The following ATPAF2 variants were observed in gnomAD, a reference collection of about 807,000 sequenced individuals.
ATPAF2 encodes the protein ATP synthase mitochondrial F1 complex assembly factor 2.
A neutral mutation model predicts 36.6 loss-of-function variants in ATPAF2; 30 were observed. The ratio of observed to expected loss-of-function variants is 0.82; its 90% CI spans 0.61 to 1.11. The LOEUF is 1.11. ATPAF2 is among the 50% of genes most tolerant of loss of function. The pLI is 0.00. For missense variants in ATPAF2, 321 were observed against 372.3 expected, an observed-to-expected ratio of 0.86 and a Z score of 1.13; for synonymous variants, 140 against 152.6, an observed-to-expected ratio of 0.92 and a Z score of 0.61.
At chr17:18,015,783 T>C (rs1360726429), downstream of ATPAF2, 3 of 339,244 alleles carry the variant, frequency 8.8e-6, no homozygotes, top group Non-Finnish European at 1.7e-5. Context: ...TGGGCAGCCA[T>C]CTGCCTTCAC....
intron 1 of ATPAF2, 138 bp downstream of exon 1, chr17:18,038,743 C>G: frequency 7.9e-7 from 1 of 1,265,440 alleles, no homozygotes; most frequent in Non-Finnish European, 1.1e-6. Flanking sequence ...ACTTTCTCAT[C>G]TGTAAAAAGA....
At chr17:18,022,081 G>A (rs904914937) in intron 5 of ATPAF2, among the ~76,000 whole-genome samples, 2 of 152,174 alleles carry the variant, frequency 1.3e-5, no homozygotes, top group African/African-American at 4.8e-5. Context: ...GCTGAATGAA[G>A]GGATGGTTCC....
chr17:18,024,832 T>C lies in ATPAF2; in HGVS notation c.423-128A>G, dbSNP rs556631668. The stretch of plus-strand genomic sequence containing the variant: ...CCACCATCCCAGCCCCACAAGTCTT[T>C]TCCCCTAAAGCAGTGGTTCTCAAAG... On this transcript the variant is annotated intron_variant, in intron 4 of 7. Coordinates refer to ENST00000474627, the MANE Select transcript of ATPAF2 (RefSeq NM_145691.4). The C allele has an allele frequency of 7.6e-4, 600 of 790,168 alleles. 9 individuals are homozygous for C. The highest frequency in any genetic ancestry group is 3.3e-3 in the Middle Eastern group (10 of 3,066). The allele number at this position is 790,168 out of a possible 1,614,324, so 48.9% of individuals were successfully genotyped here. A position where few individuals can be genotyped will look rare whatever the true frequency, so the allele number is the denominator to read the frequency against.
intron 7 of ATPAF2, among the ~76,000 whole-genome samples, chr17:18,020,454 A>T (rs1352943527): frequency 6.6e-6 from 1 of 152,234 alleles, no homozygotes; most frequent in African/African-American, 2.4e-5. Flanking sequence ...CTCCTTGTGC[A>T]GAGTGAGGCC....
At position 18,029,879 on chromosome 17, in the gene ATPAF2, TAA is replaced by T. The variant is rs771131818; in HGVS notation, c.134-1222_134-1221del. Among the ~76,000 whole-genome samples, 397 of 53,204 alleles carry T rather than the reference TAA, an allele frequency of 7.5e-3. 3 individuals are homozygous for T. Among genetic ancestry groups the T allele is most frequent in the East Asian group, 0.044 (84 of 1,890 alleles). 34.9% of individuals were successfully genotyped at this position (53,204 alleles called of 152,430 possible). On this transcript the variant is annotated intron_variant, in intron 1 of 7. Transcript: ENST00000474627. The stretch of plus-strand genomic sequence containing the variant: ...CGGCCAAATAGTTTGCCTTTAACGC[TAA>T]AAAAAAAAAAAAAAAAAAAAAAAGG...
chr17:18,023,719 A>G (rs2044503751), intron 5 of ATPAF2, among the ~76,000 whole-genome samples: 1 of 152,254 alleles, frequency 6.6e-6, no homozygotes, highest in African/African-American at 2.4e-5. Flanking sequence ...CATTGTGAGC[A>G]TCGGGCAGCA....
rs9896837 is a variant in ATPAF2 at position 18,021,554 on chromosome 17, A to G, written c.616+191T>C. 272,665 of 647,418 alleles carry G rather than the reference A, an allele frequency of 0.42. 65,935 individuals carry two copies. The highest frequency in any genetic ancestry group is 0.86 in the East Asian group (31,538 of 36,542). The allele number at this position is 647,418 out of a possible 1,614,324, so 40.1% of individuals were successfully genotyped here. A position where few individuals can be genotyped will look rare whatever the true frequency, so the allele number is the denominator to read the frequency against. On this transcript the variant is annotated intron_variant, in intron 6 of 7. Transcript: ENST00000474627. ...CTCAAGACTTCTGCTGGCGAAGTCGAAGGTGGAAAGGTGTGAGCCTAGAGC... is the reference window on the plus strand; with the variant it reads ...CTCAAGACTTCTGCTGGCGAAGTCGGAGGTGGAAAGGTGTGAGCCTAGAGC...
intron 4 of ATPAF2, 159 bp downstream of exon 4, chr17:18,026,160 C>A: frequency 1.4e-6 from 1 of 732,652 alleles, no homozygotes; most frequent in Non-Finnish European, 2.5e-6. Context: ...AGTCCTCCTC[C>A]TAAGGGGCTA....
intron 4 of ATPAF2, chr17:18,026,109 G>A: frequency 1.6e-6 from 1 of 640,364 alleles, no homozygotes; most frequent in Non-Finnish European, 2.8e-6. Flanking sequence ...CTGGGCTAGA[G>A]AAGAGGGGTG....
intron 7 of ATPAF2, among the ~76,000 whole-genome samples, chr17:18,019,222 C>T (rs1005213425): frequency 6.6e-6 from 1 of 151,838 alleles, no homozygotes; most frequent in African/African-American, 2.4e-5. Context: ...GGAGCAGGCA[C>T]CTGTGCTCTC....
intron 1 of ATPAF2, among the ~76,000 whole-genome samples, chr17:18,034,638 G>A (rs985524777): frequency 2.0e-5 from 3 of 152,184 alleles, no homozygotes; most frequent in South Asian, 2.1e-4. Context: ...GTGGAAATGT[G>A]AAATGGCACA....
intron 3 of ATPAF2, 147 bp from the exon 4 acceptor site, chr17:18,026,563 C>T: frequency 1.4e-6 from 1 of 719,250 alleles, no homozygotes; most frequent in Non-Finnish European, 2.6e-6. Flanking sequence ...GGAGCAGCAG[C>T]ACAGCTACTG....
intron 3 of ATPAF2, 46 bp downstream of exon 3, chr17:18,028,186 C>G: frequency 6.2e-7 from 1 of 1,613,834 alleles, no homozygotes; most frequent in Non-Finnish European, 8.5e-7. Flanking sequence ...CCCTACGAAG[C>G]CCTGGGTGGG....
Position 18,039,033 on chromosome 17 carries a change from A to G in ATPAF2, c.-20T>C, listed in dbSNP as rs1400029426. On this transcript the variant is annotated 5_prime_UTR_variant, in exon 1 of 8. Transcript: ENST00000474627. The surrounding 1 kb of genome is among the most constrained non-coding windows in gnomAD (Gnocchi z 5.3). Reference sequence around the variant, plus strand: ...CCACATCGCGCCCGAGGGTCTGGGAAGATGCGAGACGCGAAACCTGGAGCA... The same window carrying G: ...CCACATCGCGCCCGAGGGTCTGGGAGGATGCGAGACGCGAAACCTGGAGCA... 6.3e-6 allele frequency: 10 copies of G among 1,582,730 alleles called. No individual in the cohort carries two copies. The highest frequency in any genetic ancestry group is 7.7e-6 in the Non-Finnish European group (9 of 1,164,204).
Position 18,026,221 on chromosome 17 carries a change from A to G in ATPAF2, c.422+98T>C, listed in dbSNP as rs530342860. Reference sequence around the variant, plus strand: ...GTGGGCCACCTTCCTTGTCCTTGCAATAAATGGAGAGGGTTTCTTCTTCCA... The same window carrying G: ...GTGGGCCACCTTCCTTGTCCTTGCAGTAAATGGAGAGGGTTTCTTCTTCCA... On this transcript the variant is annotated intron_variant, in intron 4 of 7. Coordinates refer to ENST00000474627, the MANE Select transcript of ATPAF2 (RefSeq NM_145691.4). The G allele has an allele frequency of 6.6e-6, 8 of 1,205,724 alleles. No homozygotes were observed. The African/African-American group carries it at 1.0e-4, about 16-fold the overall frequency. The allele number at this position is 1,205,724 out of a possible 1,614,324, so 74.7% of individuals were successfully genotyped here.
intron 1 of ATPAF2, among the ~76,000 whole-genome samples, chr17:18,032,629 C>CCAG (rs1286432461): frequency 3.3e-5 from 5 of 152,150 alleles, no homozygotes; most frequent in Admixed American, 3.3e-4. Context: ...TGATCATGTT[C>CCAG]CAGGACATAC....
chr17:18,018,728 G>A (rs1365220917), intron 7 of ATPAF2, 42 bp from the exon 8 acceptor site: 5 of 1,613,322 alleles, frequency 3.1e-6, no homozygotes, highest in South Asian at 1.1e-5. Flanking sequence ...AGTGGCCAGT[G>A]CCTGGCTGCC....
chr17:18,018,975 A>G (rs1290667862), intron 7 of ATPAF2, among the ~76,000 whole-genome samples: 1 of 152,046 alleles, frequency 6.6e-6, no homozygotes, highest in African/African-American at 2.4e-5. Flanking sequence ...CGCCTCTACA[A>G]AAAGGTTTAA....
chr17:18,038,232 G>A (rs911286424), intron 1 of ATPAF2, among the ~76,000 whole-genome samples: 7 of 152,184 alleles, frequency 4.6e-5, no homozygotes, highest in Non-Finnish European at 1.0e-4. Flanking sequence ...ACTGAAATGA[G>A]TCATTCTCAC....
Sources: gnomAD v4.1 joint callset for allele counts (sites outside exome capture counted in the v4.1 genomes callset) on GRCh38, gnomAD v4.1.1 for gene constraint, Gnocchi (gnomAD v3.1) non-coding constraint, MANE v1.5 for transcripts, NCBI Gene and HGNC (gene_info 2026-07-23, HGNC 2026-07-21) for gene names.